SLC4A10: variants seen among roughly 807,000 people sequenced by gnomAD.
The protein encoded by SLC4A10 is sodium-driven chloride bicarbonate exchanger.
In SLC4A10, 42 loss-of-function variants were observed where a neutral mutation model predicts 137.7. The observed-to-expected ratio is 0.30, with a 90% CI of 0.24 to 0.39. The LOEUF (loss-of-function observed/expected upper bound fraction) is 0.39. Ranked by LOEUF, SLC4A10 falls within the 10% of genes least tolerant of loss-of-function variation. SLC4A10 has a pLI of 1.00. For synonymous variants in SLC4A10, 474 were observed against 464.1 expected (o/e 1.02, Z -0.27); for missense variants, 925 against 1,355.0 (o/e 0.68, Z 4.98).
At chr2:161,758,545 T>G (rs2049915272) in intron 1 of SLC4A10, among the ~76,000 whole-genome samples, 5 of 152,032 alleles carry the variant, frequency 3.3e-5, no homozygotes, top group Admixed American at 3.3e-4. Context: ...AATTATTGAC[T>G]GTTCAAATCT....
intron 19 of SLC4A10, among the ~76,000 whole-genome samples, chr2:161,955,269 A>G (rs566735306): frequency 1.3e-5 from 2 of 152,290 alleles, no homozygotes; most frequent in South Asian, 2.1e-4. Context: ...ATGGAATTAC[A>G]TCTTCCAAAA....
chr2:161,754,553 T>C (rs2049373436), intron 1 of SLC4A10, among the ~76,000 whole-genome samples: 1 of 152,186 alleles, frequency 6.6e-6, no homozygotes, highest in Admixed American at 6.6e-5. Flanking sequence ...ATTTACTTGA[T>C]AGGACAGTGG....
At chr2:161,783,644 G>C (rs184442554) in intron 2 of SLC4A10, among the ~76,000 whole-genome samples, 3 of 151,862 alleles carry the variant, frequency 2.0e-5, no homozygotes, top group Admixed American at 2.0e-4. Flanking sequence ...GTATGGGAAG[G>C]AGAGTAAAAA....
chr2:161,823,087 T>G (rs1014041747), intron 3 of SLC4A10, among the ~76,000 whole-genome samples: 2 of 152,166 alleles, frequency 1.3e-5, no homozygotes. Context: ...AAAAAGTATG[T>G]CATGAATGCA....
chr2:161,657,913 C>A (rs2037767313), intron 1 of SLC4A10, among the ~76,000 whole-genome samples: 1 of 152,114 alleles, frequency 6.6e-6, no homozygotes, highest in Non-Finnish European at 1.5e-5. Flanking sequence ...GACCAATATG[C>A]AATTATAATT....
chr2:161,947,524 G>T (rs761660728), intron 16 of SLC4A10, 42 bp from the exon 17 acceptor site: 14 of 1,586,968 alleles, frequency 8.8e-6, no homozygotes, highest in Admixed American at 5.4e-5. Context: ...AATGTGTCCG[G>T]TTTTTTCTTA....
At chr2:161,732,846 G>C (rs892728609) in intron 1 of SLC4A10, among the ~76,000 whole-genome samples, 13 of 152,186 alleles carry the variant, frequency 8.5e-5, no homozygotes, top group African/African-American at 3.1e-4. Context: ...AACTTGTTGA[G>C]AACTGGAGCA....
intron 16 of SLC4A10, among the ~76,000 whole-genome samples, chr2:161,944,881 C>T (rs1166394653): frequency 6.6e-6 from 1 of 151,494 alleles, no homozygotes. Context: ...AAGCACTGAA[C>T]TAGTGGCTAT....
intron 2 of SLC4A10, among the ~76,000 whole-genome samples, chr2:161,784,732 A>G (rs910457008): frequency 6.6e-6 from 1 of 151,700 alleles, no homozygotes; most frequent in Non-Finnish European, 1.5e-5. Context: ...ACCAAAACTT[A>G]TGGTATACAG....
intron 1 of SLC4A10, among the ~76,000 whole-genome samples, chr2:161,674,473 G>A (rs2040072683): frequency 6.6e-6 from 1 of 152,134 alleles, no homozygotes; most frequent in South Asian, 2.1e-4. Flanking sequence ...TGCTGCCACT[G>A]TTGCTGCTAA....
intron 1 of SLC4A10, among the ~76,000 whole-genome samples, chr2:161,757,068 T>C (rs774475096): frequency 2.6e-5 from 4 of 152,066 alleles, no homozygotes; most frequent in Non-Finnish European, 5.9e-5. Context: ...AAGCTAAACA[T>C]TGAGTAAGAT....
At chr2:161,818,431 G>T (rs910767273) in intron 3 of SLC4A10, among the ~76,000 whole-genome samples, 71 of 152,174 alleles carry the variant, frequency 4.7e-4, no homozygotes, top group African/African-American at 1.7e-3. Flanking sequence ...TGCAAACAGG[G>T]ACAATGTGAC....
intron 12 of SLC4A10, among the ~76,000 whole-genome samples, chr2:161,902,527 C>T: frequency 6.6e-6 from 1 of 152,038 alleles, no homozygotes; most frequent in East Asian, 1.9e-4. Context: ...CTAAGGTGAT[C>T]TTTATGTGTA....
chr2:161,779,283 C>G (rs986328687), intron 2 of SLC4A10, among the ~76,000 whole-genome samples: 2 of 151,970 alleles, frequency 1.3e-5, no homozygotes, highest in African/African-American at 2.4e-5. Context: ...GATCTGCCCT[C>G]ATGAACTGAG....
At chr2:161,836,673 A>C (rs2058839670) in intron 3 of SLC4A10, among the ~76,000 whole-genome samples, 1 of 151,864 alleles carries the variant, frequency 6.6e-6, no homozygotes, top group South Asian at 2.1e-4. Flanking sequence ...AAACCCCATA[A>C]ACTTACACAT....
chr2:161,800,348 A>T (rs1378199535), intron 2 of SLC4A10, among the ~76,000 whole-genome samples: 1 of 152,072 alleles, frequency 6.6e-6, no homozygotes, highest in Non-Finnish European at 1.5e-5. Flanking sequence ...TATCTATTAT[A>T]CTTGAAAACC....
intron 1 of SLC4A10, among the ~76,000 whole-genome samples, chr2:161,632,533 T>A (rs1414651768): frequency 1.3e-5 from 2 of 151,716 alleles, no homozygotes; most frequent in Non-Finnish European, 3.0e-5. Context: ...TATAACTTTA[T>A]GATATAAATG....
At chr2:161,643,745 G>A (rs1349395497) in intron 1 of SLC4A10, among the ~76,000 whole-genome samples, 1 of 152,066 alleles carries the variant, frequency 6.6e-6, no homozygotes, top group Admixed American at 6.6e-5. Flanking sequence ...ATATGTCCAT[G>A]TTTTTATTAT....
intron 2 of SLC4A10, among the ~76,000 whole-genome samples, chr2:161,794,002 A>C (rs1486272959): frequency 6.6e-6 from 1 of 152,132 alleles, no homozygotes; most frequent in Non-Finnish European, 1.5e-5. Context: ...TATCAGCATC[A>C]ATGAAGTTAA....
Sources: gnomAD v4.1 joint callset for allele counts (sites outside exome capture counted in the v4.1 genomes callset) on GRCh38, gnomAD v4.1.1 for gene constraint, MANE v1.5 for transcripts, NCBI Gene and HGNC (gene_info 2026-07-23, HGNC 2026-07-21) for gene names.